PPP2R5E: variants seen among roughly 807,000 people sequenced by gnomAD.
PPP2R5E encodes serine/threonine-protein phosphatase 2A 56 kDa regulatory subunit epsilon isoform.
Under a neutral mutation model 65.3 loss-of-function variants are expected in PPP2R5E, and 4 were observed. That is an observed-to-expected ratio of 0.06 (90% CI 0.03 to 0.14). The LOEUF is 0.14. PPP2R5E is among the 10% of genes least tolerant of loss of function. The pLI, the probability that PPP2R5E is intolerant of heterozygous loss-of-function variation, is 1.00. For missense variants in PPP2R5E, 274 were observed against 556.1 expected (o/e 0.49, Z 5.10); for synonymous variants, 183 against 187.4 (o/e 0.98, Z 0.19).
intron 5 of PPP2R5E, among the ~76,000 whole-genome samples, chr14:63,414,045 G>A (rs78620967): frequency 0.01 from 1,594 of 152,300 alleles, 30 homozygotes; most frequent in African/African-American, 0.037. Context: ...TACTTAGGAT[G>A]TAGAGAGGCC....
At chr14:63,463,298 C>A (rs1310824986) in intron 2 of PPP2R5E, among the ~76,000 whole-genome samples, 1 of 151,168 alleles carries the variant, frequency 6.6e-6, no homozygotes, top group Non-Finnish European at 1.5e-5. Flanking sequence ...CACCACCACG[C>A]CCAGCTAATT....
At chr14:63,488,154 C>T (rs1388549921) in intron 2 of PPP2R5E, among the ~76,000 whole-genome samples, 1 of 152,176 alleles carries the variant, frequency 6.6e-6, no homozygotes, top group Non-Finnish European at 1.5e-5. Context: ...TGCTAAAGGG[C>T]ACTGCTTGCT....
chr14:63,379,593 TAC>T (rs1884195366), intron 13 of PPP2R5E, among the ~76,000 whole-genome samples: 1 of 151,982 alleles, frequency 6.6e-6, no homozygotes, highest in Admixed American at 6.6e-5. Flanking sequence ...ATTAAGAAAG[TAC>T]ACTCATTATA....
chr14:63,445,019 G>A (rs924896664), intron 3 of PPP2R5E, among the ~76,000 whole-genome samples: 1 of 152,178 alleles, frequency 6.6e-6, no homozygotes, highest in South Asian at 2.1e-4. Flanking sequence ...AGAGGTGTTA[G>A]TTTTCAGAAA....
chr14:63,516,419 AT>A (rs1669249393), intron 2 of PPP2R5E, among the ~76,000 whole-genome samples: 1 of 152,254 alleles, frequency 6.6e-6, no homozygotes, highest in Admixed American at 6.5e-5. Flanking sequence ...GTTCATAAAA[AT>A]AGCTTTAAGT....
At chr14:63,400,699 C>CAAAA (rs150068587) in intron 5 of PPP2R5E, among the ~76,000 whole-genome samples, 6 of 73,730 alleles carry the variant, frequency 8.1e-5, no homozygotes, top group South Asian at 6.7e-4. Context: ...CCCAACCAGC[C>CAAAA]AAAAAAAAAA....
At chr14:63,520,075 G>T (rs141384329) in intron 2 of PPP2R5E, among the ~76,000 whole-genome samples, 1 of 149,700 alleles carries the variant, frequency 6.7e-6, no homozygotes, top group Non-Finnish European at 1.5e-5. Flanking sequence ...TCGCTCTGTC[G>T]CGCAGGCTGG....
intron 3 of PPP2R5E, among the ~76,000 whole-genome samples, chr14:63,442,749 G>A (rs533636611): frequency 2.0e-5 from 3 of 152,224 alleles, no homozygotes; most frequent in South Asian, 2.1e-4. Context: ...TAGGATATAC[G>A]TATGGGATTC....
intron 2 of PPP2R5E, among the ~76,000 whole-genome samples, chr14:63,479,790 A>G (rs1890600673): frequency 6.6e-6 from 1 of 152,224 alleles, no homozygotes; most frequent in Non-Finnish European, 1.5e-5. Context: ...AATATATGCA[A>G]TAAAAGATTA....
At chr14:63,458,400 T>G (rs1490911858) in intron 2 of PPP2R5E, among the ~76,000 whole-genome samples, 1 of 152,186 alleles carries the variant, frequency 6.6e-6, no homozygotes, top group Non-Finnish European at 1.5e-5. Flanking sequence ...GCCTGCCTCA[T>G]TCAGCACTTT....
intron 4 of PPP2R5E, among the ~76,000 whole-genome samples, chr14:63,421,147 G>A (rs1004616619): frequency 1.4e-5 from 2 of 147,602 alleles, no homozygotes; most frequent in African/African-American, 2.5e-5. Flanking sequence ...GCCTAGGGGT[G>A]AAGATGTACA....
chr14:63,522,096 G>A (rs188062523), intron 2 of PPP2R5E, among the ~76,000 whole-genome samples: 19,759 of 150,422 alleles, frequency 0.13, 1,366 homozygotes, highest in African/African-American at 0.17. Flanking sequence ...GGCACGCGCC[G>A]CCACGCCTGA....
intron 3 of PPP2R5E, among the ~76,000 whole-genome samples, chr14:63,437,188 G>T (rs1033528775): frequency 6.6e-6 from 1 of 152,120 alleles, no homozygotes; most frequent in Non-Finnish European, 1.5e-5. Context: ...GGTCTAAAAG[G>T]GAGAGGAACC....
At chr14:63,530,172 G>A (rs1351787520) in intron 2 of PPP2R5E, among the ~76,000 whole-genome samples, 1 of 148,590 alleles carries the variant, frequency 6.7e-6, no homozygotes, top group African/African-American at 2.5e-5. Context: ...AGCCCATCCA[G>A]ATATACACTG....
intron 3 of PPP2R5E, among the ~76,000 whole-genome samples, chr14:63,431,171 G>A (rs1250225933): frequency 6.6e-6 from 1 of 152,010 alleles, no homozygotes; most frequent in Non-Finnish European, 1.5e-5. Context: ...GGGAGACTGA[G>A]GCAGGAGAAT....
intron 2 of PPP2R5E, among the ~76,000 whole-genome samples, chr14:63,528,741 T>C (rs1893286298): frequency 6.6e-6 from 1 of 152,188 alleles, no homozygotes; most frequent in South Asian, 2.1e-4. Flanking sequence ...GTTTAAATAT[T>C]TATGAAGGAA....
At chr14:63,520,859 CAAAAAAAAAAAAAAAA>C (rs748146106) in intron 2 of PPP2R5E, among the ~76,000 whole-genome samples, 2 of 58,522 alleles carry the variant, frequency 3.4e-5, no homozygotes, top group Non-Finnish European at 8.3e-5. Context: ...ACTAAAAATA[CAAAAAAAAAAAAAAAA>C]AAAAAAAAAA....
intron 2 of PPP2R5E, among the ~76,000 whole-genome samples, chr14:63,523,151 G>A (rs1463129664): frequency 3.3e-5 from 5 of 150,584 alleles, no homozygotes; most frequent in South Asian, 2.1e-4. Context: ...CTGCCCGGCC[G>A]CCCCTACTGG....
chr14:63,496,869 T>C (rs932600293), intron 2 of PPP2R5E, among the ~76,000 whole-genome samples: 6 of 151,226 alleles, frequency 4.0e-5, no homozygotes, highest in African/African-American at 1.5e-4. Context: ...ACAAACTATT[T>C]TATCTGGGTA....
Sources: gnomAD v4.1 joint callset for allele counts (sites outside exome capture counted in the v4.1 genomes callset) on GRCh38, gnomAD v4.1.1 for gene constraint, MANE v1.5 for transcripts, NCBI Gene and HGNC (gene_info 2026-07-23, HGNC 2026-07-21) for gene names.